KLB: variants seen among roughly 807,000 people sequenced by gnomAD.
KLB encodes the protein beta-klotho.
In KLB, 44 loss-of-function variants were observed where a neutral mutation model predicts 88.4. That is an observed-to-expected ratio of 0.50 (90% CI 0.39 to 0.64). KLB has a LOEUF of 0.64. Among genes scored for constraint, KLB ranks in the 30% least tolerant of loss-of-function variants. The pLI is 0.00. For synonymous variants in KLB, 548 were observed against 513.4 expected (o/e 1.07, Z -0.91); for missense variants, 1,137 against 1,304.8 (o/e 0.87, Z 1.98).
At chr4:39,411,366 G>A (rs1230279972) in intron 1 of KLB, among the ~76,000 whole-genome samples, 1 of 124,802 alleles carries the variant, frequency 8.0e-6, no homozygotes, top group Admixed American at 9.0e-5. Flanking sequence ...TTGAGACGGA[G>A]TCTTGCTCTG....
intron 3 of KLB, among the ~76,000 whole-genome samples, chr4:39,445,818 G>A (rs527250970): frequency 2.4e-4 from 37 of 151,690 alleles, no homozygotes; most frequent in Non-Finnish European, 4.3e-4. Flanking sequence ...CACCGCGCCC[G>A]GCCTGGATTT....
At chr4:39,433,059 T>C (rs946294899) in intron 1 of KLB, among the ~76,000 whole-genome samples, 2 of 152,238 alleles carry the variant, frequency 1.3e-5, no homozygotes, top group African/African-American at 2.4e-5. Context: ...TTTGTATTTT[T>C]AGTAGAGACG....
At chr4:39,438,756 G>A (rs1161927382) in intron 3 of KLB, among the ~76,000 whole-genome samples, 2 of 152,188 alleles carry the variant, frequency 1.3e-5, no homozygotes, top group Admixed American at 6.6e-5. Context: ...GAATGAATGA[G>A]CTCACCTTTT....
chr4:39,440,373 T>C (rs1222653799), intron 3 of KLB, among the ~76,000 whole-genome samples: 3 of 151,532 alleles, frequency 2.0e-5, no homozygotes, highest in South Asian at 2.1e-4. Flanking sequence ...TTGAATGTCT[T>C]GACCTCAAGT....
intron 1 of KLB, among the ~76,000 whole-genome samples, chr4:39,408,809 A>G (rs1231807318): frequency 6.6e-6 from 1 of 152,124 alleles, no homozygotes. Flanking sequence ...TTTGAGTCAA[A>G]TAGTTTACTT....
intron 1 of KLB, among the ~76,000 whole-genome samples, chr4:39,408,359 G>A (rs1239758297): frequency 6.6e-6 from 1 of 152,040 alleles, no homozygotes; most frequent in Non-Finnish European, 1.5e-5. Flanking sequence ...CATAAGAACT[G>A]GGAAGAATGT....
chr4:39,437,731 A>G lies in KLB; in HGVS notation c.1341A>G (p.Ile447Met). ...TGCTTTCTTTTCTCTGTGCAGCAATAAGGTTAGATGAAATACGAGTGTTTG... is the reference window on the plus strand; with the variant it reads ...TGCTTTCTTTTCTCTGTGCAGCAATGAGGTTAGATGAAATACGAGTGTTTG... ...KNFLSQVLQA[I>M]RLDEIRVFGY... Residue 447 changes from isoleucine (I) to methionine (M), a missense_variant, in exon 3 of 5, where the codon ATA becomes ATG. Around this residue, in one of 4 missense-constraint regions of KLB, gnomAD observed 597 missense variants for 765.2 expected, o/e 0.78. Coordinates refer to ENST00000257408, the MANE Select transcript of KLB (RefSeq NM_175737.4). 1 of 1,607,362 alleles carries G rather than the reference A, an allele frequency of 6.2e-7. No homozygotes were observed. The highest frequency in any genetic ancestry group is 8.5e-7 in the Non-Finnish European group (1 of 1,175,230).
At chr4:39,443,846 C>T (rs1045032674) in intron 3 of KLB, among the ~76,000 whole-genome samples, 3 of 151,654 alleles carry the variant, frequency 2.0e-5, no homozygotes, top group Non-Finnish European at 2.9e-5. Context: ...CAACATTTCA[C>T]TCCATGGTTT....
chr4:39,446,888 T>G lies in KLB; in HGVS notation c.2162T>G (p.Leu721Arg), dbSNP rs1485705115. 6.2e-7 allele frequency: 1 copy of G among 1,607,852 alleles called. No homozygotes were observed. The highest frequency in any genetic ancestry group is 8.5e-7 in the Non-Finnish European group (1 of 1,179,622). Reference protein sequence around the residue: ...AAHNLLVAHALAWRLYDRQFR... With the variant: ...AAHNLLVAHARAWRLYDRQFR... ...CACAACCTGCTGGTGGCCCACGCCC[T>G]GGCCTGGCGCCTCTACGACCGGCAG... The change falls in exon 4 of 5, where the codon CTG (leucine) becomes CGG (arginine). Residue 721 changes from leucine to arginine, a missense_variant. Transcript: ENST00000257408. The surrounding 1 kb of genome is among the most constrained non-coding windows in gnomAD (Gnocchi z 6.4).
At chr4:39,418,287 G>A (rs1743006053) in intron 1 of KLB, among the ~76,000 whole-genome samples, 1 of 151,998 alleles carries the variant, frequency 6.6e-6, no homozygotes, top group Non-Finnish European at 1.5e-5. Flanking sequence ...ACCTAGGCTG[G>A]AGTAGTGCAG....
chr4:39,432,781 A>T (rs1743390808), intron 1 of KLB, among the ~76,000 whole-genome samples: 1 of 152,110 alleles, frequency 6.6e-6, no homozygotes, highest in Admixed American at 6.6e-5. Flanking sequence ...GACCAATAAT[A>T]ATAACATCCA....
intron 3 of KLB, among the ~76,000 whole-genome samples, chr4:39,445,682 T>TTG (rs1178279144): frequency 5.0e-4 from 45 of 89,356 alleles, no homozygotes; most frequent in South Asian, 2.5e-3. Flanking sequence ...TCTTGTTTTT[T>TTG]TGTTTTTTTT....
At chr4:39,421,722 T>C (rs1307103550) in intron 1 of KLB, among the ~76,000 whole-genome samples, 78 of 150,932 alleles carry the variant, frequency 5.2e-4, no homozygotes, top group African/African-American at 1.8e-3. Flanking sequence ...GCCATTGCAC[T>C]CCAGCCTGGG....
intron 1 of KLB, among the ~76,000 whole-genome samples, chr4:39,421,809 C>T (rs1578204175): frequency 6.6e-6 from 1 of 152,006 alleles, no homozygotes; most frequent in Admixed American, 6.6e-5. Context: ...CTCAGTGGTG[C>T]GATCAGCTCA....
chr4:39,431,748 C>T (rs1476936941), intron 1 of KLB, among the ~76,000 whole-genome samples: 2 of 152,200 alleles, frequency 1.3e-5, no homozygotes, highest in Middle Eastern at 3.2e-3. Flanking sequence ...ATCCTCACCC[C>T]TTACCTCAAT....
rs1743873878 is a variant in KLB at position 39,450,772 on chromosome 4, T to C, written c.*2086T>C. ...TGGGTTTTTTCCCCTTTGTGCCACA[T>C]TGATTCACCCTGACCCAAGAACTCC... On this transcript the variant is annotated 3_prime_UTR_variant, in exon 5 of 5. Transcript: ENST00000257408. The C allele has an allele frequency of 6.6e-6, 1 of 151,974 alleles. No homozygotes were observed. The highest frequency in any genetic ancestry group is 1.5e-5 in the Non-Finnish European group (1 of 68,030). The allele number at this position is 151,974 out of a possible 1,614,324, so 9.4% of individuals were successfully genotyped here.
chr4:39,407,885 C>A, intron 1 of KLB, 111 bp downstream of exon 1: 1 of 632,278 alleles, frequency 1.6e-6, no homozygotes, highest in Non-Finnish European at 2.6e-6. Flanking sequence ...TGATTTTAAG[C>A]TAATTCAAAA....
In KLB at chr4:39,442,903, T is replaced by A. The variant is rs187508934; in HGVS notation, c.1606-3429T>A. ...TACAATCCATATTCAATTTTTTTAATGTTCCAAAAATGTCCTTTATAGATT... is the reference window on the plus strand; with the variant it reads ...TACAATCCATATTCAATTTTTTTAAAGTTCCAAAAATGTCCTTTATAGATT... On this transcript the variant is annotated intron_variant, in intron 3 of 4. Transcript: ENST00000257408. Among the ~76,000 whole-genome samples, 124 of 152,330 alleles carry A rather than the reference T, an allele frequency of 8.1e-4. 1 individual carries two copies. The highest frequency in any genetic ancestry group is 2.8e-3 in the African/African-American group (116 of 41,576).
At chr4:39,437,180 A>G (rs1356703446) in intron 2 of KLB, among the ~76,000 whole-genome samples, 2 of 152,184 alleles carry the variant, frequency 1.3e-5, no homozygotes, top group Admixed American at 6.5e-5. Flanking sequence ...ATAGCAGGGT[A>G]AGCTCCTCAG....
Sources: allele counts gnomAD v4.1 joint callset (sites outside exome capture counted in the v4.1 genomes callset), GRCh38; gene constraint gnomAD v4.1.1; regional missense constraint gnomAD v4.1.1; non-coding constraint Gnocchi (gnomAD v3.1); transcripts MANE v1.5; gene names NCBI Gene and HGNC (gene_info 2026-07-23, HGNC 2026-07-21).